The following THSD7B variants were observed in gnomAD, a reference collection of about 807,000 sequenced individuals.
THSD7B encodes the protein thrombospondin type 1 domain containing 7B, also known as thrombospondin type-1 domain-containing protein 7B.
THSD7B carries 138 observed loss-of-function variants against 213.6 expected under a neutral mutation model. The observed-to-expected ratio is 0.65, with a 90% CI of 0.56 to 0.74. The LOEUF is 0.74. Among genes scored for constraint, THSD7B ranks in the 30% least tolerant of loss-of-function variants. The probability of loss-of-function intolerance (pLI) is 0.00; values close to 1 mark genes in which losing one functional copy is unlikely to be tolerated. For missense variants in THSD7B, 1,931 were observed against 1,991.5 expected (o/e 0.97, Z 0.58); for synonymous variants, 742 against 687.0 (o/e 1.08, Z -1.25).
At chr2:136,995,839 C>T (rs1685875077) in intron 2 of THSD7B, among the ~76,000 whole-genome samples, 2 of 152,106 alleles carry the variant, frequency 1.3e-5, no homozygotes, top group Non-Finnish European at 2.9e-5. Context: ...ACATATTTCT[C>T]TGGGTTATTC....
At chr2:137,412,038 C>T in intron 14 of THSD7B, 166 bp downstream of exon 14, 1 of 781,492 alleles carries the variant, frequency 1.3e-6, no homozygotes, top group South Asian at 1.9e-5. Context: ...ATGCATACAT[C>T]TGTATCTCAA....
rs541588379 is a variant in THSD7B, at chr2:137,668,445, G to T, written c.4739+584G>T. Among the ~76,000 whole-genome samples, 4 of 94,930 alleles carry T rather than the reference G, an allele frequency of 4.2e-5. 1 individual carries two copies. In the South Asian group the frequency reaches 1.4e-3, roughly 34 times the overall value. The allele number at this position is 94,930 out of a possible 152,430, so 62.3% of individuals were successfully genotyped here. On this transcript the variant is annotated intron_variant, in intron 27 of 27. Transcript: ENST00000409968. Reference sequence around the variant, plus strand: ...GACAAAATTTAACTGATGGTCATTTGCAAAAAAAAAAAACCATTTTGTAAA... The same window carrying T: ...GACAAAATTTAACTGATGGTCATTTTCAAAAAAAAAAAACCATTTTGTAAA...
At chr2:137,563,459 CA>C in intron 16 of THSD7B, 105 bp downstream of exon 16, 1 of 1,393,958 alleles carries the variant, frequency 7.2e-7, no homozygotes, top group African/African-American at 1.4e-5. Context: ...ATTTTCATAA[CA>C]TATACTCTGG....
intron 2 of THSD7B, among the ~76,000 whole-genome samples, chr2:136,893,760 A>G (rs983062036): frequency 1.3e-5 from 2 of 152,202 alleles, no homozygotes; most frequent in African/African-American, 4.8e-5. Context: ...TCCCAACACT[A>G]TAGCCACAGA....
intron 15 of THSD7B, among the ~76,000 whole-genome samples, chr2:137,466,622 T>A (rs1210132103): frequency 2.0e-5 from 3 of 152,172 alleles, no homozygotes; most frequent in Non-Finnish European, 4.4e-5. Flanking sequence ...TCTAGATGCT[T>A]TGGCATCTGA....
chr2:137,492,495 G>A (rs141719580), intron 15 of THSD7B, among the ~76,000 whole-genome samples: 1 of 152,284 alleles, frequency 6.6e-6, no homozygotes, highest in Non-Finnish European at 1.5e-5. Context: ...ACTGGTAGAT[G>A]TAGTATTCTC....
Position 137,528,598 on chromosome 2 carries a change from C to T in THSD7B, c.3139-34623C>T, listed in dbSNP as rs1334257055. ...TTGTAATCATTATCATTAAAACTGA[C>T]ATTCCTTGCCTGATCTAGTGCCAAA... On this transcript the variant is annotated intron_variant, in intron 15 of 27. Coordinates refer to ENST00000409968, the MANE Select transcript of THSD7B (RefSeq NM_001316349.2). 2.0e-5 allele frequency among the ~76,000 whole-genome samples: 3 copies of T among 152,178 alleles called. No homozygotes were observed. The East Asian group carries it at 5.8e-4, about 30-fold the overall frequency.
chr2:137,386,440 C>CT (rs1205699217), intron 12 of THSD7B, among the ~76,000 whole-genome samples: 2 of 152,054 alleles, frequency 1.3e-5, no homozygotes, highest in African/African-American at 4.8e-5. Context: ...AGGTCCCCTG[C>CT]TATTACAGGA....
intron 5 of THSD7B, among the ~76,000 whole-genome samples, chr2:137,142,059 T>C (rs1679598365): frequency 6.6e-6 from 1 of 152,198 alleles, no homozygotes; most frequent in African/African-American, 2.4e-5. Flanking sequence ...AAATAATTGC[T>C]ACAAAATGTA....
At chr2:137,024,687 G>A (rs536951196) in intron 2 of THSD7B, among the ~76,000 whole-genome samples, 46 of 151,532 alleles carry the variant, frequency 3.0e-4, no homozygotes, top group Non-Finnish European at 4.6e-4. Context: ...TCTGATAAAA[G>A]TGTACACACA....
chr2:137,451,172 T>A (rs1334607780), intron 15 of THSD7B, 149 bp downstream of exon 15: 1 of 779,816 alleles, frequency 1.3e-6, no homozygotes, highest in Admixed American at 3.8e-5. Context: ...AAAATTAAAA[T>A]AATAGAATTA....
intron 12 of THSD7B, among the ~76,000 whole-genome samples, chr2:137,400,372 T>C (rs1209333551): frequency 6.6e-6 from 1 of 152,112 alleles, no homozygotes; most frequent in Non-Finnish European, 1.5e-5. Flanking sequence ...TTCTTATTTG[T>C]GAATTTACTT....
chr2:137,065,844 C>G (rs1488075290), intron 3 of THSD7B, among the ~76,000 whole-genome samples: 1 of 152,114 alleles, frequency 6.6e-6, no homozygotes, highest in South Asian at 2.1e-4. Context: ...ATTGCTCTCT[C>G]CCATCCCTTG....
chr2:137,414,358 G>GAA (rs151064504), intron 14 of THSD7B, among the ~76,000 whole-genome samples: 2 of 151,168 alleles, frequency 1.3e-5, no homozygotes, highest in African/African-American at 4.9e-5. Flanking sequence ...GTCTATCAAA[G>GAA]AAAAAAAAAT....
At chr2:137,002,469 C>G (rs1260569738) in intron 2 of THSD7B, among the ~76,000 whole-genome samples, 1 of 152,124 alleles carries the variant, frequency 6.6e-6, no homozygotes, top group Non-Finnish European at 1.5e-5. Context: ...TCTTAGGACT[C>G]CAAAGTAGAT....
intron 12 of THSD7B, among the ~76,000 whole-genome samples, chr2:137,336,507 CCTT>C (rs1684642217): frequency 6.6e-6 from 1 of 152,134 alleles, no homozygotes; most frequent in Admixed American, 6.5e-5. Context: ...ACTTAAATAA[CCTT>C]CTATTCCATC....
chr2:137,293,028 C>T (rs1683373971), intron 12 of THSD7B, among the ~76,000 whole-genome samples: 1 of 152,096 alleles, frequency 6.6e-6, no homozygotes, highest in Non-Finnish European at 1.5e-5. Context: ...CCAGCCATTG[C>T]TTAAGGCACT....
chr2:137,100,455 A>C (rs1232947657), intron 4 of THSD7B, among the ~76,000 whole-genome samples: 1 of 152,020 alleles, frequency 6.6e-6, no homozygotes, highest in Non-Finnish European at 1.5e-5. Flanking sequence ...CAAAAACTGC[A>C]ATTACTTTTG....
rs1215254764 is a variant in THSD7B, at chr2:137,078,690, A to C, written c.951-16183A>C. On this transcript the variant is annotated intron_variant, in intron 3 of 27. Transcript: ENST00000409968. Reference sequence around the variant, plus strand: ...TTTTCATTTTCCAACTGTCTGAATAAGAAATTTAATTCATTTATTTTCGTG... The same window carrying C: ...TTTTCATTTTCCAACTGTCTGAATACGAAATTTAATTCATTTATTTTCGTG... Among the ~76,000 whole-genome samples the C allele has an allele frequency of 3.3e-5, 5 of 152,142 alleles. No individual in the cohort carries two copies. In the East Asian group the frequency reaches 9.6e-4, roughly 29 times the overall value.
Sources: allele counts gnomAD v4.1 joint callset (sites outside exome capture counted in the v4.1 genomes callset), GRCh38; gene constraint gnomAD v4.1.1; transcripts MANE v1.5; gene names NCBI Gene and HGNC (gene_info 2026-07-23, HGNC 2026-07-21).